Variants in GRM8 observed in about 807,000 individuals in gnomAD.
GRM8 encodes metabotropic glutamate receptor 8.
In GRM8, 47 loss-of-function variants were observed where a neutral mutation model predicts 87.2. The ratio of observed to expected loss-of-function variants is 0.54; its 90% confidence interval spans 0.43 to 0.69. The LOEUF is 0.69. GRM8 is among the 30% of genes least tolerant of loss of function. The pLI is 0.00. For missense variants in GRM8, 1,019 were observed against 1,139.2 expected, an observed-to-expected ratio of 0.89 and a Z score of 1.52; for synonymous variants, 396 against 404.5, an observed-to-expected ratio of 0.98 and a Z score of 0.25.
chr7:126,618,125 T>G (rs1161691007), intron 7 of GRM8, among the ~76,000 whole-genome samples: 5 of 152,148 alleles, frequency 3.3e-5, no homozygotes, highest in Non-Finnish European at 4.4e-5. Context: ...GACTTCAAAT[T>G]ATACTACAAG....
chr7:126,951,625 T>C (rs1465231416), intron 3 of GRM8, among the ~76,000 whole-genome samples: 1 of 152,080 alleles, frequency 6.6e-6, no homozygotes, highest in Non-Finnish European at 1.5e-5. Flanking sequence ...GCATAAATGC[T>C]AGAATTTAGT....
intron 7 of GRM8, among the ~76,000 whole-genome samples, chr7:126,614,342 A>G (rs1363456486): frequency 6.6e-6 from 1 of 152,192 alleles, no homozygotes; most frequent in East Asian, 1.9e-4. Context: ...AAACTAACAG[A>G]CAGAAAGGAC....
chr7:126,927,849 C>T (rs1805306265), intron 3 of GRM8, among the ~76,000 whole-genome samples: 1 of 152,108 alleles, frequency 6.6e-6, no homozygotes, highest in South Asian at 2.1e-4. Context: ...CCATTTGACC[C>T]AGCAATCCCA....
At chr7:126,671,785 C>T (rs1347241125) in intron 7 of GRM8, among the ~76,000 whole-genome samples, 1 of 152,190 alleles carries the variant, frequency 6.6e-6, no homozygotes, top group Non-Finnish European at 1.5e-5. Context: ...AGCTAAGTGT[C>T]ATCCACCGAA....
At chr7:127,162,139 T>A (rs978227894) in intron 2 of GRM8, among the ~76,000 whole-genome samples, 5 of 152,208 alleles carry the variant, frequency 3.3e-5, no homozygotes, top group Non-Finnish European at 7.3e-5. Flanking sequence ...TTCTGAAAAT[T>A]CTGTGCTTCC....
At chr7:126,612,036 G>A (rs1487991487) in intron 7 of GRM8, among the ~76,000 whole-genome samples, 1 of 152,172 alleles carries the variant, frequency 6.6e-6, no homozygotes, top group Non-Finnish European at 1.5e-5. Flanking sequence ...TATTGATGTG[G>A]TGTCTTGAAT....
chr7:127,061,995 G>T (rs1586889241), intron 3 of GRM8, among the ~76,000 whole-genome samples: 1 of 151,848 alleles, frequency 6.6e-6, no homozygotes, highest in Non-Finnish European at 1.5e-5. Flanking sequence ...CAGAAGAAAG[G>T]CTGCCAGGCG....
intron 3 of GRM8, among the ~76,000 whole-genome samples, chr7:126,946,972 AT>A (rs1479834736): frequency 1.3e-5 from 2 of 152,176 alleles, no homozygotes; most frequent in South Asian, 2.1e-4. Context: ...AACTTGCTCT[AT>A]ATTGCCCACA....
At chr7:126,482,219 C>A (rs13224778) in intron 9 of GRM8, among the ~76,000 whole-genome samples, 2,684 of 152,000 alleles carry the variant, frequency 0.018, 63 homozygotes, top group African/African-American at 0.061. Flanking sequence ...AAAATGGTAA[C>A]GTTGCTTTGG....
At chr7:127,176,799 A>G (rs1794134608) in intron 2 of GRM8, among the ~76,000 whole-genome samples, 1 of 152,184 alleles carries the variant, frequency 6.6e-6, no homozygotes, top group Non-Finnish European at 1.5e-5. Flanking sequence ...AGCTGAGTCA[A>G]TTTAGAGAAC....
chr7:126,703,735 AT>A (rs1026328311), intron 7 of GRM8, among the ~76,000 whole-genome samples: 2 of 151,834 alleles, frequency 1.3e-5, no homozygotes, highest in Admixed American at 6.6e-5. Context: ...AATTTTTAAA[AT>A]TTTTTTCTTG....
At position 126,939,922 on chromosome 7, in the gene GRM8, C is replaced by G. The variant is rs186112907; in HGVS notation, c.728-35239G>C. Among the ~76,000 whole-genome samples, 4 of 152,284 alleles carry G rather than the reference C, an allele frequency of 2.6e-5. No homozygotes were observed. The East Asian group carries it at 7.7e-4, about 29-fold the overall frequency. ...TGATAATTACAGCAATGTGTGTCAT[C>G]CAGTATCCTCCAAAACTTAATGATT... On this transcript the variant is annotated intron_variant, in intron 3 of 10. Coordinates refer to ENST00000339582, the MANE Select transcript of GRM8 (RefSeq NM_000845.3).
intron 7 of GRM8, among the ~76,000 whole-genome samples, chr7:126,683,877 T>G (rs1186549755): frequency 6.6e-6 from 1 of 152,110 alleles, no homozygotes; most frequent in Admixed American, 6.5e-5. Context: ...GAGAATGAAT[T>G]TGGACTGCAC....
chr7:126,444,446 T>C (rs1801791106), intron 10 of GRM8, among the ~76,000 whole-genome samples: 1 of 152,052 alleles, frequency 6.6e-6, no homozygotes. Flanking sequence ...TGCAGAAAGG[T>C]GAATATGTGG....
chr7:126,731,329 A>G lies in GRM8; in HGVS notation c.1357+38536T>C, dbSNP rs138588773. Among the ~76,000 whole-genome samples, 969 of 152,268 alleles carry G rather than the reference A, an allele frequency of 6.4e-3. 10 individuals are homozygous for G. The highest frequency in any genetic ancestry group is 0.022 in the African/African-American group (902 of 41,568). On this transcript the variant is annotated intron_variant, in intron 7 of 10. Transcript: ENST00000339582. ...GACTTGCCTCTAGACCCAACTTTGA[A>G]TTAAATATTTGCCCTGGAACTTGAA...
chr7:126,685,858 G>A lies in GRM8; in HGVS notation c.1358-76360C>T, dbSNP rs1291074550. Among the ~76,000 whole-genome samples, 1 of 151,894 alleles carries A rather than the reference G, an allele frequency of 6.6e-6. No homozygotes were observed. Among genetic ancestry groups the A allele is most frequent in the African/African-American group, 2.4e-5 (1 of 41,374 alleles). On this transcript the variant is annotated intron_variant, in intron 7 of 10. Transcript: ENST00000339582. The surrounding 1 kb of genome is among the most constrained non-coding windows in gnomAD (Gnocchi z 4.2). The stretch of plus-strand genomic sequence containing the variant: ...TGATGCCCTACCTTCAAGCTGAGGA[G>A]GGCCTGAACCCTGGGGGCTGGGAGC...
In GRM8 at chr7:126,644,110, T is replaced by G. The variant is rs76675607; in HGVS notation, c.1358-34612A>C. Among the ~76,000 whole-genome samples, 207 of 152,378 alleles carry G rather than the reference T, an allele frequency of 1.4e-3. 1 individual carries two copies. Among genetic ancestry groups the G allele is most frequent in the African/African-American group, 4.8e-3 (200 of 41,600 alleles). The stretch of plus-strand genomic sequence containing the variant: ...GGTGAATCTTACATTAGATGGTATC[T>G]TGGATCTATGTTGTGATTCCAAAAT... On this transcript the variant is annotated intron_variant, in intron 7 of 10. Transcript: ENST00000339582.
chr7:126,693,861 CAA>C (rs1809084917), intron 7 of GRM8, among the ~76,000 whole-genome samples: 1 of 151,992 alleles, frequency 6.6e-6, no homozygotes, highest in African/African-American at 2.4e-5. Flanking sequence ...AAATATGTCT[CAA>C]GTTATGTTTC....
intron 2 of GRM8, among the ~76,000 whole-genome samples, chr7:127,128,730 T>C (rs560659857): frequency 7.2e-5 from 11 of 152,276 alleles, no homozygotes; most frequent in African/African-American, 2.4e-4. Context: ...TAAGCCAGAA[T>C]CTGTCAGATT....
Sources: gnomAD v4.1 joint callset for allele counts (sites outside exome capture counted in the v4.1 genomes callset) on GRCh38, gnomAD v4.1.1 for gene constraint, Gnocchi (gnomAD v3.1) non-coding constraint, MANE v1.5 for transcripts, NCBI Gene and HGNC (gene_info 2026-07-23, HGNC 2026-07-21) for gene names.